Variants in ITGA9 observed in about 807,000 individuals in gnomAD.
ITGA9 encodes integrin alpha-9.
ITGA9 carries 56 observed loss-of-function variants against 127.8 expected under a neutral mutation model. The observed-to-expected ratio is 0.44, with a 90% CI of 0.35 to 0.55. The LOEUF (loss-of-function observed/expected upper bound fraction) is 0.55, where lower values mean the gene tolerates loss of function less well. Among genes scored for constraint, ITGA9 ranks in the 20% least tolerant of loss-of-function variants. The pLI is 0.00. For missense variants in ITGA9, 1,196 were observed against 1,347.1 expected (o/e 0.89, Z 1.76); for synonymous variants, 508 against 514.5 (o/e 0.99, Z 0.17).
At chr3:37,527,918 TGG>T (rs1699110094) in intron 13 of ITGA9, among the ~76,000 whole-genome samples, 1 of 152,152 alleles carries the variant, frequency 6.6e-6, no homozygotes, top group Non-Finnish European at 1.5e-5. Context: ...CCTGAGCAGC[TGG>T]GATCACAGGT....
chr3:37,561,484 C>T (rs1699486983), intron 15 of ITGA9, among the ~76,000 whole-genome samples: 1 of 152,174 alleles, frequency 6.6e-6, no homozygotes, highest in African/African-American at 2.4e-5. Flanking sequence ...CCTTTTATCA[C>T]CTGAGGTTCT....
intron 25 of ITGA9, among the ~76,000 whole-genome samples, chr3:37,781,452 T>A (rs983840399): frequency 6.6e-6 from 1 of 152,192 alleles, no homozygotes; most frequent in Non-Finnish European, 1.5e-5. Flanking sequence ...GAGTCCTAGT[T>A]TAAATGACGG....
chr3:37,750,739 T>A (rs560708867), intron 23 of ITGA9, among the ~76,000 whole-genome samples, 170 bp downstream of exon 23: 1 of 152,282 alleles, frequency 6.6e-6, no homozygotes, highest in Non-Finnish European at 1.5e-5. Flanking sequence ...CCTGAATTTC[T>A]ACATTGAGAC....
At chr3:37,658,946 A>T (rs904022792) in intron 17 of ITGA9, among the ~76,000 whole-genome samples, 1 of 152,208 alleles carries the variant, frequency 6.6e-6, no homozygotes, top group African/African-American at 2.4e-5. Context: ...TATGAAGCTT[A>T]GTTTGGCTGG....
At chr3:37,732,619 A>G in intron 18 of ITGA9, 93 bp from the exon 19 acceptor site, 3 of 903,998 alleles carry the variant, frequency 3.3e-6, no homozygotes, top group South Asian at 1.4e-5. Context: ...CCGTCTGAGC[A>G]CTGCTCTGAA....
At chr3:37,568,649 T>A (rs1699572181) in intron 15 of ITGA9, among the ~76,000 whole-genome samples, 2 of 152,214 alleles carry the variant, frequency 1.3e-5, no homozygotes, top group African/African-American at 4.8e-5. Context: ...GTCATCTCCC[T>A]CAAGTTCAAA....
chr3:37,600,267 C>T (rs1699904921), intron 15 of ITGA9, among the ~76,000 whole-genome samples: 1 of 152,094 alleles, frequency 6.6e-6, no homozygotes, highest in African/African-American at 2.4e-5. Flanking sequence ...GGTATTTCTC[C>T]CATATTCAAG....
At chr3:37,660,357 A>C (rs1274947270) in intron 17 of ITGA9, among the ~76,000 whole-genome samples, 1 of 152,228 alleles carries the variant, frequency 6.6e-6, no homozygotes, top group East Asian at 1.9e-4. Context: ...TGGATCGTAG[A>C]AAAACTTCAT....
At chr3:37,524,018 A>C (rs1200826648) in intron 12 of ITGA9, among the ~76,000 whole-genome samples, 2 of 152,160 alleles carry the variant, frequency 1.3e-5, no homozygotes, top group Non-Finnish European at 2.9e-5. Flanking sequence ...CCTACTCTTG[A>C]AATAAAATGA....
At chr3:37,783,381 A>G (rs1697001585) in intron 25 of ITGA9, among the ~76,000 whole-genome samples, 1 of 152,238 alleles carries the variant, frequency 6.6e-6, no homozygotes, top group South Asian at 2.1e-4. Flanking sequence ...TTGCTCTGTC[A>G]CCCAGATGGG....
intron 17 of ITGA9, among the ~76,000 whole-genome samples, chr3:37,671,652 G>A (rs1181670664): frequency 1.3e-5 from 2 of 152,088 alleles, no homozygotes; most frequent in Non-Finnish European, 2.9e-5. Context: ...TCCTATAAGT[G>A]AGTTTTTCAA....
At chr3:37,734,545 A>G (rs1289745117) in intron 19 of ITGA9, among the ~76,000 whole-genome samples, 1 of 152,194 alleles carries the variant, frequency 6.6e-6, no homozygotes, top group African/African-American at 2.4e-5. Context: ...GCTGGAGTGC[A>G]GTGGCGCAAT....
chr3:37,719,994 A>G (rs1701174435), intron 18 of ITGA9, among the ~76,000 whole-genome samples: 1 of 152,174 alleles, frequency 6.6e-6, no homozygotes, highest in East Asian at 1.9e-4. Context: ...CGTGGGGTGA[A>G]TATCATGTTT....
At chr3:37,741,365 ACT>A (rs1211275447) in intron 20 of ITGA9, among the ~76,000 whole-genome samples, 1 of 150,564 alleles carries the variant, frequency 6.6e-6, no homozygotes, top group Non-Finnish European at 1.5e-5. Context: ...AGGAAGACTG[ACT>A]CTGCCTCACA....
At chr3:37,727,378 A>G (rs756653222) in intron 18 of ITGA9, among the ~76,000 whole-genome samples, 2 of 152,224 alleles carry the variant, frequency 1.3e-5, no homozygotes, top group African/African-American at 2.4e-5. Context: ...GACTGGGGAA[A>G]AGGCCAGTTA....
chr3:37,680,979 G>A (rs1700729284), intron 17 of ITGA9, among the ~76,000 whole-genome samples: 1 of 152,150 alleles, frequency 6.6e-6, no homozygotes, highest in East Asian at 1.9e-4. Context: ...TGCTTCCAAA[G>A]CAAGGCCATC....
At chr3:37,791,113 G>T (rs1051226340) in intron 26 of ITGA9, among the ~76,000 whole-genome samples, 4 of 152,060 alleles carry the variant, frequency 2.6e-5, no homozygotes, top group Non-Finnish European at 5.9e-5. Context: ...CCCTGAATTG[G>T]TTACTGAGGC....
At chr3:37,810,189 TG>T (rs1486780129) in intron 27 of ITGA9, among the ~76,000 whole-genome samples, 3 of 152,226 alleles carry the variant, frequency 2.0e-5, no homozygotes, top group Non-Finnish European at 2.9e-5. Context: ...CAAAAGTGGT[TG>T]TTCCCAAAAG....
At chr3:37,624,546 AAC>A (rs1700158656) in intron 15 of ITGA9, among the ~76,000 whole-genome samples, 1 of 152,054 alleles carries the variant, frequency 6.6e-6, no homozygotes. Flanking sequence ...ACCTTTCTAG[AAC>A]ACAGCCTCCT....
Sources: gnomAD v4.1 joint callset for allele counts (sites outside exome capture counted in the v4.1 genomes callset) on GRCh38, gnomAD v4.1.1 for gene constraint, MANE v1.5 for transcripts, NCBI Gene and HGNC (gene_info 2026-07-23, HGNC 2026-07-21) for gene names.